SEZ6: variants seen among roughly 807,000 people sequenced by gnomAD.
The protein encoded by SEZ6 is seizure related 6 homolog.
SEZ6 carries 53 observed loss-of-function variants against 101.0 expected under a neutral mutation model. That is an observed-to-expected ratio of 0.52 (90% CI 0.42 to 0.66). SEZ6 has a LOEUF of 0.66. Among genes scored for constraint, SEZ6 ranks in the 30% least tolerant of loss-of-function variants. SEZ6 has a pLI of 0.00. For missense variants in SEZ6, 1,102 were observed against 1,289.4 expected (o/e 0.85, Z 2.23); for synonymous variants, 488 against 512.2 (o/e 0.95, Z 0.64).
At chr17:28,965,427 C>T (rs1455980734) in intron 4 of SEZ6, among the ~76,000 whole-genome samples, 1 of 151,936 alleles carries the variant, frequency 6.6e-6, no homozygotes. Context: ...TTGCTTGAGG[C>T]CAGGAGTTCA....
At chr17:28,995,074 C>T (rs2041517870) in intron 1 of SEZ6, among the ~76,000 whole-genome samples, 2 of 151,692 alleles carry the variant, frequency 1.3e-5, no homozygotes, top group African/African-American at 4.8e-5. Flanking sequence ...GGGGTTTCAC[C>T]GTGTTAGCCA....
chr17:28,999,346 C>G (rs186485899), intron 1 of SEZ6, among the ~76,000 whole-genome samples: 5 of 152,148 alleles, frequency 3.3e-5, no homozygotes, highest in African/African-American at 9.7e-5. Context: ...CCACTGCCCC[C>G]CTTCATTCAG....
In SEZ6 at chr17:28,959,333, C is replaced by A; in HGVS notation, c.1910+1G>T. The A allele has an allele frequency of 6.2e-7, 1 of 1,614,014 alleles. No individual in the cohort carries two copies. Among genetic ancestry groups the A allele is most frequent in the Non-Finnish European group, 8.5e-7 (1 of 1,179,886 alleles). ...CTCGGCCTGACCCGGTAGGCACTCA[C>A]ACTCGGATGTCCAGCATGATGCGCT... On this transcript the variant is annotated splice_donor_variant, in intron 9 of 16. Coordinates refer to ENST00000317338, the MANE Select transcript of SEZ6 (RefSeq NM_178860.5). LOFTEE classifies it high-confidence loss of function. The surrounding 1 kb of genome is among the most constrained non-coding windows in gnomAD (Gnocchi z 4.4).
At chr17:29,004,179 C>T (rs2041653689) in intron 1 of SEZ6, among the ~76,000 whole-genome samples, 1 of 152,202 alleles carries the variant, frequency 6.6e-6, no homozygotes, top group Non-Finnish European at 1.5e-5. Context: ...ATGCAGGGCC[C>T]TGATTACTCT....
At chr17:28,962,093 T>A (rs2040986690) in intron 5 of SEZ6, among the ~76,000 whole-genome samples, 1 of 152,330 alleles carries the variant, frequency 6.6e-6, no homozygotes, top group South Asian at 2.1e-4. Context: ...AAGCCCTTTA[T>A]GAATCCACCT....
intron 1 of SEZ6, among the ~76,000 whole-genome samples, chr17:28,987,267 C>A (rs1304580763): frequency 6.6e-6 from 1 of 152,212 alleles, no homozygotes; most frequent in Non-Finnish European, 1.5e-5. Context: ...TCCCTGCAGA[C>A]CCCTATTATC....
chr17:28,981,112 T>G (rs1163261592), intron 2 of SEZ6, among the ~76,000 whole-genome samples: 1 of 151,554 alleles, frequency 6.6e-6, no homozygotes, highest in East Asian at 2.0e-4. Context: ...GCCAGGAGGG[T>G]CTTGAACTCC....
rs180983262 is a variant in SEZ6 at position 28,958,198 on chromosome 17, C to G, written c.2108-57G>C. ...TCGGCCAGCACCAAAGTGACTGTCC[C>G]CCTCACCTTGAGGGCACTCTGGCTC... On this transcript the variant is annotated intron_variant, in intron 10 of 16. Coordinates refer to ENST00000317338, the MANE Select transcript of SEZ6 (RefSeq NM_178860.5). 6 of 1,538,240 alleles carry G rather than the reference C, an allele frequency of 3.9e-6. No individual in the cohort carries two copies. In the South Asian group the frequency reaches 6.2e-5, roughly 16 times the overall value.
At chr17:28,989,969 A>G (rs111498531) in intron 1 of SEZ6, among the ~76,000 whole-genome samples, 1,615 of 152,188 alleles carry the variant, frequency 0.011, 20 homozygotes, top group African/African-American at 0.037. Context: ...CTACTCAGGA[A>G]GCTAAGGCAG....
In SEZ6 at chr17:28,964,024, C is replaced by G; in HGVS notation, c.1178G>C (p.Arg393Thr). The change falls in exon 5 of 17, where the codon AGG becomes ACG. Residue 393 changes from arginine to threonine, a missense_variant. Arg to Thr is a moderately conservative substitution (Grantham distance 71, BLOSUM62 -1). Around this residue, in one of 3 missense-constraint regions of SEZ6, gnomAD observed 556 missense variants for 735.1 expected, o/e 0.76. Coordinates refer to ENST00000317338, the MANE Select transcript of SEZ6 (RefSeq NM_178860.5). ...GGTGGCATTGAGACAGGTGAGATGC[C>G]TGGCGCCCTTCAGCTGGTAGCCAGT... ...CATGYQLKGA[R>T]HLTCLNATQP... 1 of 1,611,984 alleles carries G rather than the reference C, an allele frequency of 6.2e-7. No individual in the cohort carries two copies. Among genetic ancestry groups the G allele is most frequent in the Non-Finnish European group, 8.5e-7 (1 of 1,179,106 alleles).
intron 3 of SEZ6, among the ~76,000 whole-genome samples, chr17:28,970,937 G>A (rs970337988): frequency 1.3e-5 from 2 of 152,138 alleles, no homozygotes; most frequent in African/African-American, 2.4e-5. Flanking sequence ...TTTTTTCTGA[G>A]CCTCTTTCTC....
intron 11 of SEZ6, 156 bp downstream of exon 11, chr17:28,957,791 T>G (rs766715199): frequency 7.0e-5 from 67 of 952,444 alleles, no homozygotes; most frequent in Non-Finnish European, 1.0e-4. Flanking sequence ...CCATGAAAAG[T>G]ATCATCCCCA....
chr17:28,975,429 G>A (rs550499462), intron 3 of SEZ6, among the ~76,000 whole-genome samples: 2 of 152,342 alleles, frequency 1.3e-5, no homozygotes, highest in East Asian at 1.9e-4. Flanking sequence ...GCACAGAGAA[G>A]GCCAGGGGTT....
intron 3 of SEZ6, among the ~76,000 whole-genome samples, chr17:28,971,625 C>T (rs1171487761): frequency 6.6e-6 from 1 of 152,102 alleles, no homozygotes; most frequent in African/African-American, 2.4e-5. Flanking sequence ...TACAGAATCT[C>T]AGACCCACTA....
Position 28,982,007 on chromosome 17 carries a change from C to G in SEZ6, c.88G>C (p.Gly30Arg). 1 of 1,608,468 alleles carries G rather than the reference C, an allele frequency of 6.2e-7. No homozygotes were observed. The highest frequency in any genetic ancestry group is 8.5e-7 in the Non-Finnish European group (1 of 1,177,282). The change falls in exon 2 of 17, where the codon GGA becomes CGA. Residue 30 changes from glycine (G) to arginine (R), a missense_variant. Physicochemically the swap from Gly to Arg is moderately radical, Grantham distance 125. This residue lies in a region of SEZ6 where 406 missense variants were observed against 418.6 expected (regional missense o/e 0.97). Transcript: ENST00000317338. ...LSLEAPTVGK[G>R]QAPGIEETDG... The stretch of plus-strand genomic sequence containing the variant: ...GTCTCCTCGATGCCTGGGGCTTGTC[C>G]TTTCCCCACGGTTGGGGCCTCTAAA...
chr17:28,993,191 G>T (rs1022339824), intron 1 of SEZ6, among the ~76,000 whole-genome samples: 10 of 152,038 alleles, frequency 6.6e-5, no homozygotes, highest in African/African-American at 1.9e-4. Context: ...CCTCCCAGGA[G>T]TGTGGCCAGG....
At chr17:28,984,633 G>A (rs578041042) in intron 1 of SEZ6, among the ~76,000 whole-genome samples, 3 of 152,200 alleles carry the variant, frequency 2.0e-5, no homozygotes, top group Non-Finnish European at 4.4e-5. Context: ...CATATCAAAC[G>A]AGCAAGTTGA....
At position 29,005,779 on chromosome 17, in the gene SEZ6, G is replaced by A; in HGVS notation, c.55+36C>T. 2 of 1,473,818 alleles carry A rather than the reference G, an allele frequency of 1.4e-6. No individual in the cohort carries two copies. Among genetic ancestry groups the A allele is most frequent in the East Asian group, 2.9e-5 (1 of 34,482 alleles). The allele number at this position is 1,473,818 out of a possible 1,614,324, so 91.3% of individuals were successfully genotyped here. ...TTCCCACCCCTGGGGCCCCGCTCCC[G>A]CCCCCGTCCTGCCGCCGGATGCCGG... is the stretch of plus-strand genomic sequence containing the variant. On this transcript the variant is annotated intron_variant, in intron 1 of 16. Coordinates refer to ENST00000317338, the MANE Select transcript of SEZ6 (RefSeq NM_178860.5). This position sits in a 1 kb window ranked among gnomAD's most constrained non-coding sequence, Gnocchi z 4.8.
At chr17:29,006,093 G>A (rs2041688370), upstream of SEZ6, 2 of 324,896 alleles carry the variant, frequency 6.2e-6, no homozygotes, top group South Asian at 2.8e-4. Flanking sequence ...GGGGGCGCGG[G>A]AGGAGCGGCT....
Sources: gnomAD v4.1 joint callset for allele counts (sites outside exome capture counted in the v4.1 genomes callset) on GRCh38, gnomAD v4.1.1 for gene constraint, gnomAD v4.1.1 regional missense constraint, Gnocchi (gnomAD v3.1) non-coding constraint, MANE v1.5 for transcripts, NCBI Gene and HGNC (gene_info 2026-07-23, HGNC 2026-07-21) for gene names.